The following EPS15L1 variants were observed in gnomAD, a reference collection of about 807,000 sequenced individuals.
EPS15L1 encodes epidermal growth factor receptor substrate 15-like 1.
Under a neutral mutation model 117.1 loss-of-function variants are expected in EPS15L1, and 43 were observed. The ratio of observed to expected loss-of-function variants is 0.37; its 90% confidence interval spans 0.29 to 0.47. EPS15L1 has a LOEUF of 0.47. Among genes scored for constraint, EPS15L1 ranks in the 20% least tolerant of loss-of-function variants. The pLI, the probability that EPS15L1 is intolerant of heterozygous loss-of-function variation, is 0.99. For synonymous variants in EPS15L1, 459 were observed against 470.5 expected (o/e 0.98, Z 0.32); for missense variants, 981 against 1,164.0 (o/e 0.84, Z 2.29).
At chr19:16,386,323 C>T in intron 19 of EPS15L1, 92 bp from the exon 20 acceptor site, 1 of 971,378 alleles carries the variant, frequency 1.0e-6, no homozygotes, top group Non-Finnish European at 1.6e-6. Flanking sequence ...CGATGTACAA[C>T]ATCCAGTGCT....
At chr19:16,435,859 C>T (rs1346859502) in intron 6 of EPS15L1, among the ~76,000 whole-genome samples, 1 of 152,140 alleles carries the variant, frequency 6.6e-6, no homozygotes, top group East Asian at 1.9e-4. Context: ...CTCCTCTCTG[C>T]GAGGTCCCCA....
At chr19:16,394,208 T>C (rs1356189416) in intron 17 of EPS15L1, among the ~76,000 whole-genome samples, 1 of 152,296 alleles carries the variant, frequency 6.6e-6, no homozygotes, top group Non-Finnish European at 1.5e-5. Context: ...CAGCTGTTTC[T>C]GGCTAGGATG....
intron 13 of EPS15L1, among the ~76,000 whole-genome samples, chr19:16,409,206 C>T (rs1031162746): frequency 1.3e-5 from 2 of 152,006 alleles, no homozygotes; most frequent in African/African-American, 2.4e-5. Context: ...ACTCCAGCCT[C>T]GGCAACAGAG....
intron 1 of EPS15L1, among the ~76,000 whole-genome samples, chr19:16,446,738 T>C (rs1202289632): frequency 6.6e-6 from 1 of 152,182 alleles, no homozygotes; most frequent in African/African-American, 2.4e-5. Flanking sequence ...CTCATGCATA[T>C]GCTGGCCTGG....
chr19:16,451,289 C>T (rs2093139764), intron 1 of EPS15L1, among the ~76,000 whole-genome samples: 2 of 152,150 alleles, frequency 1.3e-5, no homozygotes, highest in Admixed American at 1.3e-4. Flanking sequence ...ACCATCATCT[C>T]AAAATGAGAA....
Position 16,471,896 on chromosome 19 carries a change from G to A in EPS15L1, c.33+17C>T, listed in dbSNP as rs1163169396. 6 of 1,298,492 alleles carry A rather than the reference G, an allele frequency of 4.6e-6. No homozygotes were observed. Among genetic ancestry groups the A allele is most frequent in the Non-Finnish European group, 5.9e-6 (6 of 1,022,720 alleles). The allele number at this position is 1,298,492 out of a possible 1,614,324, so 80.4% of individuals were successfully genotyped here. Reference sequence around the variant, plus strand: ...CCCCGCACCCCGGCGCCGCCCCCAGGCCCGCCCGGCCCGTACCTGCTGGGA... The same window carrying A: ...CCCCGCACCCCGGCGCCGCCCCCAGACCCGCCCGGCCCGTACCTGCTGGGA... On this transcript the variant is annotated intron_variant, in intron 1 of 23. Coordinates refer to ENST00000455140, the MANE Select transcript of EPS15L1 (RefSeq NM_001258374.3). The surrounding 1 kb of genome is among the most constrained non-coding windows in gnomAD (Gnocchi z 4.8).
chr19:16,404,264 G>C lies in EPS15L1; in HGVS notation c.1428+324C>G, dbSNP rs183636540. 1.3e-3 allele frequency among the ~76,000 whole-genome samples: 195 copies of C among 152,320 alleles called. No homozygotes were observed. The highest frequency in any genetic ancestry group is 0.013 in the East Asian group (66 of 5,182). ...TTGCAGCCTCCGGGATCTGTGAGGAGCCTCAGAGACACCTGAGGAGGGGAC... is the reference window on the plus strand; with the variant it reads ...TTGCAGCCTCCGGGATCTGTGAGGACCCTCAGAGACACCTGAGGAGGGGAC... On this transcript the variant is annotated intron_variant, in intron 14 of 23. Transcript: ENST00000455140. This position sits in a 1 kb window ranked among gnomAD's most constrained non-coding sequence, Gnocchi z 4.2.
chr19:16,452,007 C>T (rs1378380320), intron 1 of EPS15L1, among the ~76,000 whole-genome samples: 1 of 150,316 alleles, frequency 6.7e-6, no homozygotes, highest in Non-Finnish European at 1.5e-5. Flanking sequence ...GGTGCGGTGG[C>T]GTGCACCTGT....
Position 16,395,408 on chromosome 19 carries a change from C to A in EPS15L1, c.1851G>T (p.Pro617=). The A allele has an allele frequency of 1.9e-6, 3 of 1,613,586 alleles. No individual in the cohort carries two copies. Among genetic ancestry groups the A allele is most frequent in the Middle Eastern group, 1.6e-4 (1 of 6,062 alleles). Residue 617 remains proline (P), a synonymous_variant, in exon 17 of 24, where the codon CCG becomes CCT. Transcript: ENST00000455140. ...AGGGGTCTTCTGTCTGGAAAGGATC[C>A]GGATGCAACTCTTGCGTGTTGTTGC... ...LFSNNTQELH[P]DPFQTEDPFK...
rs2093038395 is a variant in EPS15L1 at position 16,442,175 on chromosome 19, T to C, written c.75+3A>G. On this transcript the variant is annotated splice_donor_region_variant and intron_variant, in intron 2 of 23. Transcript: ENST00000455140. ...CATCTGAAGAGACATCAGCTAAACTTACCTGCTTGTAATAAGATTCATACA... is the reference window on the plus strand; with the variant it reads ...CATCTGAAGAGACATCAGCTAAACTCACCTGCTTGTAATAAGATTCATACA... 6.2e-7 allele frequency: 1 copy of C among 1,612,412 alleles called. No individual in the cohort carries two copies. The highest frequency in any genetic ancestry group is 8.5e-7 in the Non-Finnish European group (1 of 1,178,384).
chr19:16,468,974 C>T (rs1014275071), intron 1 of EPS15L1, among the ~76,000 whole-genome samples: 5 of 152,124 alleles, frequency 3.3e-5, no homozygotes, highest in African/African-American at 7.2e-5. Flanking sequence ...GAGCTATGAT[C>T]CTACCACTGC....
At chr19:16,468,267 A>G (rs1231613062) in intron 1 of EPS15L1, among the ~76,000 whole-genome samples, 2 of 152,140 alleles carry the variant, frequency 1.3e-5, no homozygotes, top group Non-Finnish European at 2.9e-5. Context: ...TGAGGCTAGA[A>G]AGTGTTGCCA....
intron 16 of EPS15L1, chr19:16,401,297 A>G: frequency 1.0e-6 from 1 of 985,416 alleles, no homozygotes; most frequent in African/African-American, 1.7e-5. Flanking sequence ...AATCCTTGGG[A>G]CTGAGGACTT....
chr19:16,457,030 G>T (rs980094707), intron 1 of EPS15L1, among the ~76,000 whole-genome samples: 4 of 152,174 alleles, frequency 2.6e-5, no homozygotes, highest in African/African-American at 9.7e-5. Context: ...GAAATCCGCT[G>T]CAAGGAGCAG....
At chr19:16,400,004 C>A (rs1253597976) in intron 16 of EPS15L1, among the ~76,000 whole-genome samples, 1 of 152,164 alleles carries the variant, frequency 6.6e-6, no homozygotes, top group African/African-American at 2.4e-5. Context: ...TCAATATTCT[C>A]ATAATCAGAT....
At chr19:16,441,746 G>A in intron 3 of EPS15L1, 146 bp downstream of exon 3, 5 of 553,830 alleles carry the variant, frequency 9.0e-6, no homozygotes, top group Admixed American at 5.9e-5. Flanking sequence ...GGATCCACCA[G>A]CTGCAGCCTG....
chr19:16,433,842 A>G (rs2092952705), intron 7 of EPS15L1, among the ~76,000 whole-genome samples: 1 of 152,058 alleles, frequency 6.6e-6, no homozygotes, highest in South Asian at 2.1e-4. Flanking sequence ...ATGCACCTGT[A>G]ATCCCAGCTA....
intron 12 of EPS15L1, among the ~76,000 whole-genome samples, chr19:16,416,152 C>T (rs770570774): frequency 2.0e-5 from 3 of 151,828 alleles, no homozygotes; most frequent in Non-Finnish European, 2.9e-5. Context: ...TGATAGAATA[C>T]TGCACCTGTT....
chr19:16,441,791 G>C, intron 3 of EPS15L1, 101 bp downstream of exon 3: 4 of 863,286 alleles, frequency 4.6e-6, no homozygotes, highest in Non-Finnish European at 7.4e-6. Flanking sequence ...TACCCAGGAG[G>C]CCGGGCCCCA....
Sources: allele counts gnomAD v4.1 joint callset (sites outside exome capture counted in the v4.1 genomes callset), GRCh38; gene constraint gnomAD v4.1.1; non-coding constraint Gnocchi (gnomAD v3.1); transcripts MANE v1.5; gene names NCBI Gene and HGNC (gene_info 2026-07-23, HGNC 2026-07-21).